Variants in MED28 observed in about 807,000 individuals in gnomAD.
The protein encoded by MED28 is mediator complex subunit 28.
In MED28, 26 loss-of-function variants were observed where a neutral mutation model predicts 21.3. That is an observed-to-expected ratio of 1.22 (90% CI 0.89 to 1.69). The LOEUF is 1.69. Ranked by LOEUF, MED28 falls within the 40% of genes most tolerant of loss-of-function variation. The pLI is 0.00. For missense variants in MED28, 257 were observed against 215.4 expected, an observed-to-expected ratio of 1.19 and a Z score of -1.21; for synonymous variants, 110 against 87.6, an observed-to-expected ratio of 1.26 and a Z score of -1.43.
Position 17,615,054 on chromosome 4 carries a change from A to T in MED28, c.159+241A>T, listed in dbSNP as rs142989285. On this transcript the variant is annotated intron_variant, in intron 1 of 3. Coordinates refer to ENST00000237380, the MANE Select transcript of MED28 (RefSeq NM_025205.5). ...GAACCCGAAGTTTGCCTAAACCCCAAACTTGGAACCCTTCCAGATTCCCAG... is the reference window on the plus strand; with the variant it reads ...GAACCCGAAGTTTGCCTAAACCCCATACTTGGAACCCTTCCAGATTCCCAG... 2.6e-5 allele frequency among the ~76,000 whole-genome samples: 4 copies of T among 152,308 alleles called. No homozygotes were observed. In the East Asian group the frequency reaches 7.7e-4, roughly 29 times the overall value.
chr4:17,614,962 C>A, intron 1 of MED28, 149 bp downstream of exon 1: 3 of 1,017,910 alleles, frequency 2.9e-6, no homozygotes, highest in Middle Eastern at 5.7e-4. Context: ...CTTTAGGCTT[C>A]CCCGTGGCCC....
At position 17,633,967 on chromosome 4, in the gene MED28, T is replaced by C; in HGVS notation, c.*10169T>C. On this transcript the variant is annotated 3_prime_UTR_variant, in exon 4 of 4. Coordinates refer to ENST00000237380, the MANE Select transcript of MED28 (RefSeq NM_025205.5). ...GCATTATTGTAAAAGCAAATAATGC[T>C]CACCCAATCAAAATTGTATCGGAGA... 8.6e-7 allele frequency: 1 copy of C among 1,156,524 alleles called. No individual in the cohort carries two copies. Among genetic ancestry groups the C allele is most frequent in the South Asian group, 2.3e-5 (1 of 42,594 alleles). 71.6% of individuals were successfully genotyped at this position (1,156,524 alleles called of 1,614,324 possible). A position where few individuals can be genotyped will look rare whatever the true frequency, so the allele number is the denominator to read the frequency against.
In MED28 at chr4:17,628,023, GA is replaced by G; in HGVS notation, c.*4232del. 6.6e-6 allele frequency: 1 copy of G among 151,938 alleles called. No homozygotes were observed. Among genetic ancestry groups the G allele is most frequent in the Non-Finnish European group, 1.5e-5 (1 of 67,974 alleles). 9.4% of individuals were successfully genotyped at this position (151,938 alleles called of 1,614,324 possible). On this transcript the variant is annotated 3_prime_UTR_variant, in exon 4 of 4. Coordinates refer to ENST00000237380, the MANE Select transcript of MED28 (RefSeq NM_025205.5). ...TAACATAGGTGTTTCTCCTGAGAAA[GA>G]AAAAAACCACCTGTCCCTGACATTC...
In MED28 at chr4:17,623,719, C is replaced by A; in HGVS notation, c.458C>A (p.Pro153His). The change falls in exon 4 of 4, where the codon CCC becomes CAC. Residue 153 changes from proline (P) to histidine (H), a missense_variant. Pro to His is a moderately conservative substitution (Grantham distance 77). Transcript: ENST00000237380. ...GACATCAACGTGCAGCACAAAAAGCCCGCCGACATCCCTCAGGGCTCCTTG... is the reference window on the plus strand; with the variant it reads ...GACATCAACGTGCAGCACAAAAAGCACGCCGACATCCCTCAGGGCTCCTTG... ...LEDINVQHKK[P>H]ADIPQGSLAY... 6.2e-7 allele frequency: 1 copy of A among 1,614,202 alleles called. No homozygotes were observed. The highest frequency in any genetic ancestry group is 8.5e-7 in the Non-Finnish European group (1 of 1,180,036).
chr4:17,620,354 G>GT (rs34093588), intron 2 of MED28, among the ~76,000 whole-genome samples: 12,552 of 141,156 alleles, frequency 0.089, 1,330 homozygotes, highest in African/African-American at 0.26. Context: ...TATTTTACAT[G>GT]TTTTTTTTTT....
chr4:17,614,754 C>G lies in MED28; in HGVS notation c.100C>G (p.Pro34Ala), dbSNP rs1311563149. ...CCAAGCTTCGCTTCTTCAGGCAGCT[C>G]CAGGCGCTCCTAGACCTTCCAGCAG... ...PGQASLLQAA[P>A]GAPRPSSSTL... Residue 34 changes from proline to alanine, a missense_variant, in exon 1 of 4, where the codon CCA becomes GCA. By Grantham distance (27) the Pro-to-Ala change is conservative. Transcript: ENST00000237380. 6.2e-7 allele frequency: 1 copy of G among 1,614,270 alleles called. No homozygotes were observed. The highest frequency in any genetic ancestry group is 1.1e-5 in the South Asian group (1 of 91,084).
rs1190252887 is a variant in MED28, at chr4:17,633,682, C to G, written c.*9884C>G. 4 of 1,520,208 alleles carry G rather than the reference C, an allele frequency of 2.6e-6. No individual in the cohort carries two copies. In the African/African-American group the frequency reaches 4.2e-5, roughly 16 times the overall value. The allele number at this position is 1,520,208 out of a possible 1,614,324, so 94.2% of individuals were successfully genotyped here. On this transcript the variant is annotated 3_prime_UTR_variant, in exon 4 of 4. Transcript: ENST00000237380. ...ATAAGGGCCCCTGTCCCCAACATCC[C>G]CCAAACCTTGTGGCAGTTTTTGCAT...
At chr4:17,614,865 C>T in intron 1 of MED28, 52 bp downstream of exon 1, 2 of 1,536,930 alleles carry the variant, frequency 1.3e-6, no homozygotes, top group Non-Finnish European at 1.8e-6. Context: ...TTTTCTGAAA[C>T]GTGAACTGCG....
intron 1 of MED28, among the ~76,000 whole-genome samples, chr4:17,618,838 C>T (rs1175717398): frequency 6.6e-6 from 1 of 152,216 alleles, no homozygotes; most frequent in Non-Finnish European, 1.5e-5. Flanking sequence ...CCGTGCCCAG[C>T]CAGGAGTCAA....
rs1308138306 is a variant in MED28, at chr4:17,623,947, A to G, written c.*149A>G. 2 of 809,176 alleles carry G rather than the reference A, an allele frequency of 2.5e-6. No homozygotes were observed. The highest frequency in any genetic ancestry group is 1.8e-5 in the South Asian group (1 of 54,776). 50.1% of individuals were successfully genotyped at this position (809,176 alleles called of 1,614,324 possible). A position where few individuals can be genotyped will look rare whatever the true frequency, so the allele number is the denominator to read the frequency against. On this transcript the variant is annotated 3_prime_UTR_variant, in exon 4 of 4. Transcript: ENST00000237380. ...TGCTCCCATTGAAAAATTTTCCACT[A>G]TTTTTATAAGCTGTTAATTTCTTGA...
At chr4:17,620,692 CTTTTTTTTTTTTTT>C (rs146604205) in intron 2 of MED28, among the ~76,000 whole-genome samples, 3 of 108,900 alleles carry the variant, frequency 2.8e-5, no homozygotes, top group African/African-American at 1.1e-4. Context: ...TGCATTGTCT[CTTTTTTTTTTTTTT>C]TTTTTTTGGA....
intron 3 of MED28, among the ~76,000 whole-genome samples, chr4:17,622,539 G>A (rs76774000): frequency 0.012 from 1,764 of 150,928 alleles, 15 homozygotes; most frequent in Non-Finnish European, 0.018. Context: ...AATTTTAACA[G>A]TTCATAATCT....
chr4:17,617,299 C>T (rs944588066), intron 1 of MED28, among the ~76,000 whole-genome samples: 1 of 152,222 alleles, frequency 6.6e-6, no homozygotes, highest in Non-Finnish European at 1.5e-5. Context: ...TCACAGCCTC[C>T]AGTGGCACAT....
At position 17,624,192 on chromosome 4, in the gene MED28, T is replaced by A; in HGVS notation, c.*394T>A. Reference sequence around the variant, plus strand: ...GCCTGAGAATCAGGAGATGGGAGTTTTAGTCGTAGGCCTTATGATAATTAC... The same window carrying A: ...GCCTGAGAATCAGGAGATGGGAGTTATAGTCGTAGGCCTTATGATAATTAC... On this transcript the variant is annotated 3_prime_UTR_variant, in exon 4 of 4. Coordinates refer to ENST00000237380, the MANE Select transcript of MED28 (RefSeq NM_025205.5). 1 of 218,114 alleles carries A rather than the reference T, an allele frequency of 4.6e-6. No homozygotes were observed. Among genetic ancestry groups the A allele is most frequent in the Non-Finnish European group, 9.4e-6 (1 of 106,744 alleles). 13.5% of individuals were successfully genotyped at this position (218,114 alleles called of 1,614,324 possible). A position where few individuals can be genotyped will look rare whatever the true frequency, so the allele number is the denominator to read the frequency against.
chr4:17,615,754 G>A (rs1259062364), intron 1 of MED28, among the ~76,000 whole-genome samples: 3 of 152,196 alleles, frequency 2.0e-5, no homozygotes, highest in African/African-American at 7.2e-5. Context: ...AGGTTGCAGT[G>A]AGCGGAGACC....
At chr4:17,622,050 GC>G (rs1714652281) in intron 3 of MED28, among the ~76,000 whole-genome samples, 1 of 152,210 alleles carries the variant, frequency 6.6e-6, no homozygotes. Flanking sequence ...GTCCCCACTT[GC>G]CTTACCCAGT....
chr4:17,627,531 G>C lies in MED28; in HGVS notation c.*3733G>C, dbSNP rs1290233397. 1 of 152,242 alleles carries C rather than the reference G, an allele frequency of 6.6e-6. No homozygotes were observed. Among genetic ancestry groups the C allele is most frequent in the African/African-American group, 2.4e-5 (1 of 41,430 alleles). The allele number at this position is 152,242 out of a possible 1,614,324, so 9.4% of individuals were successfully genotyped here. ...CCTCTGGAGGTTGTGAAGGAGCACT[G>C]CTCAGTCCTCCCTTCAAGAAAGCAG... On this transcript the variant is annotated 3_prime_UTR_variant, in exon 4 of 4. Transcript: ENST00000237380.
rs1364523123 is a variant in MED28 at position 17,625,360 on chromosome 4, G to A, written c.*1562G>A. 4.8e-6 allele frequency: 1 copy of A among 209,636 alleles called. No homozygotes were observed. Among genetic ancestry groups the A allele is most frequent in the East Asian group, 1.6e-4 (1 of 6,142 alleles). 13.0% of individuals were successfully genotyped at this position (209,636 alleles called of 1,614,324 possible). ...CAAATCCCCTCAGTTACAACGTATA[G>A]GTTAAACAAAGCTTTTAAAAGCTCA... On this transcript the variant is annotated 3_prime_UTR_variant, in exon 4 of 4. Transcript: ENST00000237380.
Position 17,633,928 on chromosome 4 carries a change from A to G in MED28, c.*10130A>G, listed in dbSNP as rs1705550097. 7.6e-7 allele frequency: 1 copy of G among 1,310,162 alleles called. No homozygotes were observed. Among genetic ancestry groups the G allele is most frequent in the Non-Finnish European group, 9.9e-7 (1 of 1,011,734 alleles). The allele number at this position is 1,310,162 out of a possible 1,614,324, so 81.2% of individuals were successfully genotyped here. ...GGACAGGTTAGTGCAATGCAATGCA[A>G]AAAACAAAATAAAGCATTATTGTAA... On this transcript the variant is annotated 3_prime_UTR_variant, in exon 4 of 4. Coordinates refer to ENST00000237380, the MANE Select transcript of MED28 (RefSeq NM_025205.5).
Sources: gnomAD v4.1 joint callset for allele counts (sites outside exome capture counted in the v4.1 genomes callset) on GRCh38, gnomAD v4.1.1 for gene constraint, MANE v1.5 for transcripts, NCBI Gene and HGNC (gene_info 2026-07-23, HGNC 2026-07-21) for gene names.